Variants in CLXN observed in about 807,000 individuals in gnomAD.
CLXN encodes calaxin, also known as EF-hand calcium binding domain 1.
At chr8:48,716,446 A>AAG in the CLXN span, 1 of 152,454 alleles carries the variant, frequency 6.6e-6, no homozygotes, top group Non-Finnish European at 1.5e-5. Flanking sequence ...GTGCAGTGGC[A>AAG]GGCTGAAGGG....
At chr8:48,733,831 CTT>C in the CLXN span, among the ~76,000 whole-genome samples, 2 of 152,094 alleles carry the variant, frequency 1.3e-5, no homozygotes, top group Non-Finnish European at 2.9e-5. Flanking sequence ...CAAATTCAAA[CTT>C]ACGGAAAGGG....
chr8:48,735,197 G>A, the CLXN span: 1 of 1,610,328 alleles, frequency 6.2e-7, no homozygotes, highest in Non-Finnish European at 8.5e-7. Context: ...CTCTGGGCGC[G>A]CGGCTACCGA....
chr8:48,718,747 T>A, the CLXN span, among the ~76,000 whole-genome samples: 2 of 152,044 alleles, frequency 1.3e-5, no homozygotes, highest in African/African-American at 4.8e-5. Flanking sequence ...TTAAAAATTA[T>A]CTCAAGACAA....
At chr8:48,732,435 C>T in the CLXN span, among the ~76,000 whole-genome samples, 1 of 152,028 alleles carries the variant, frequency 6.6e-6, no homozygotes, top group African/African-American at 2.4e-5. Flanking sequence ...TGTGGGATTT[C>T]TGGTTTGGAA....
At chr8:48,731,216 A>G in the CLXN span, 6 of 890,322 alleles carry the variant, frequency 6.7e-6, no homozygotes, top group Non-Finnish European at 9.3e-6. Flanking sequence ...TCTCAAAATT[A>G]AATTTGTATA....
At chr8:48,714,284 T>C in the CLXN span, among the ~76,000 whole-genome samples, 2 of 152,204 alleles carry the variant, frequency 1.3e-5, no homozygotes, top group Admixed American at 6.5e-5. Flanking sequence ...TTACAATCAT[T>C]TCTGAGTTGG....
chr8:48,727,551 G>A, the CLXN span, among the ~76,000 whole-genome samples: 25 of 152,096 alleles, frequency 1.6e-4, no homozygotes, highest in African/African-American at 6.0e-4. Context: ...CTGGACAGAG[G>A]CAGCAGCAAG....
the CLXN span, among the ~76,000 whole-genome samples, chr8:48,714,432 TAC>T: frequency 1.3e-5 from 2 of 152,214 alleles, no homozygotes; most frequent in Non-Finnish European, 2.9e-5. Flanking sequence ...TATGAATTCT[TAC>T]AGTCAAGTGC....
the CLXN span, among the ~76,000 whole-genome samples, chr8:48,727,333 G>A: frequency 3.9e-5 from 6 of 152,136 alleles, no homozygotes; most frequent in African/African-American, 1.4e-4. Context: ...CTAAGTTCCT[G>A]GCCTCAGTGA....
At chr8:48,731,487 C>T in the CLXN span, 6 of 1,603,714 alleles carry the variant, frequency 3.7e-6, no homozygotes, top group Non-Finnish European at 5.1e-6. Context: ...TAAGACAGTT[C>T]ACTTCAAATT....
the CLXN span, chr8:48,711,591 G>A: frequency 6.6e-6 from 1 of 152,234 alleles, no homozygotes; most frequent in African/African-American, 2.4e-5. Flanking sequence ...CAGATGAGAA[G>A]AGTGGATAGG....
chr8:48,724,929 G>T, the CLXN span: 8 of 626,184 alleles, frequency 1.3e-5, no homozygotes, highest in South Asian at 1.9e-4. Context: ...AACTTCTGGT[G>T]TTCAAGCGTT....
chr8:48,730,228 A>G, the CLXN span: 3 of 307,764 alleles, frequency 9.7e-6, no homozygotes, highest in African/African-American at 6.4e-5. Flanking sequence ...TATGGTTACA[A>G]TTCAAGTAAT....
At chr8:48,726,235 TCCATCCATCCATCCAA>T in the CLXN span, among the ~76,000 whole-genome samples, 1 of 132,952 alleles carries the variant, frequency 7.5e-6, no homozygotes, top group African/African-American at 2.9e-5. Context: ...CATCCATCCA[TCCATCCATCCATCCAA>T]CCATCCATCA....
At chr8:48,725,253 A>G in the CLXN span, among the ~76,000 whole-genome samples, 1 of 152,294 alleles carries the variant, frequency 6.6e-6, no homozygotes, top group East Asian at 1.9e-4. Context: ...AGAAGCCAAG[A>G]GCATTCAAGG....
chr8:48,720,226 C>G, the CLXN span, among the ~76,000 whole-genome samples: 314 of 152,154 alleles, frequency 2.1e-3, 1 homozygote, highest in African/African-American at 7.3e-3. Flanking sequence ...AGAATAACAG[C>G]GATTTTTAGG....
At chr8:48,729,295 C>T in the CLXN span, 365 of 607,358 alleles carry the variant, frequency 6.0e-4, 2 homozygotes, top group Non-Finnish European at 8.3e-4. Flanking sequence ...GAGGCTAAGG[C>T]GGGGTGATTC....
the CLXN span, chr8:48,711,644 A>T: frequency 6.6e-6 from 1 of 152,196 alleles, no homozygotes; most frequent in African/African-American, 2.4e-5. Context: ...CCACATAGCA[A>T]CCCAGCCTGC....
the CLXN span, chr8:48,724,388 T>C: frequency 6.1e-6 from 1 of 164,730 alleles, no homozygotes; most frequent in African/African-American, 2.4e-5. Context: ...ACCCAGCTTC[T>C]TTTTGACATG....
Sources: gnomAD v4.1 joint callset for allele counts (sites outside exome capture counted in the v4.1 genomes callset) on GRCh38, gnomAD v4.1.1 for gene constraint, MANE v1.5 for transcripts, NCBI Gene and HGNC (gene_info 2026-07-23, HGNC 2026-07-21) for gene names.